The following ZNF385B variants were observed in gnomAD, a reference collection of about 807,000 sequenced individuals.
ZNF385B encodes the protein zinc finger protein 533.
Under a neutral mutation model 39.2 loss-of-function variants are expected in ZNF385B, and 23 were observed. The ratio of observed to expected loss-of-function variants is 0.59; its 90% CI spans 0.42 to 0.83. The LOEUF (loss-of-function observed/expected upper bound fraction) is 0.83, where lower values mean the gene tolerates loss of function less well. Ranked by LOEUF, ZNF385B falls within the 40% of genes least tolerant of loss-of-function variation. The pLI, the probability that ZNF385B is intolerant of heterozygous loss-of-function variation, is 0.00. For synonymous variants in ZNF385B, 205 were observed against 222.6 expected, an observed-to-expected ratio of 0.92 and a Z score of 0.70; for missense variants, 552 against 598.9, an observed-to-expected ratio of 0.92 and a Z score of 0.82.
chr2:179,649,901 C>T (rs1693056613), intron 3 of ZNF385B, among the ~76,000 whole-genome samples: 1 of 152,078 alleles, frequency 6.6e-6, no homozygotes, highest in Non-Finnish European at 1.5e-5. Context: ...AAATTCAGTA[C>T]AAAATACATT....
intron 3 of ZNF385B, among the ~76,000 whole-genome samples, chr2:179,750,262 C>T (rs529282392): frequency 6.6e-5 from 10 of 152,242 alleles, no homozygotes; most frequent in Admixed American, 3.9e-4. Context: ...AAATTCTCTA[C>T]TCTCATTCCC....
chr2:179,842,933 G>T (rs1276476906), intron 1 of ZNF385B, among the ~76,000 whole-genome samples: 1 of 152,150 alleles, frequency 6.6e-6, no homozygotes, highest in African/African-American at 2.4e-5. Flanking sequence ...GGTGTGGAGG[G>T]AGCCTGCCTC....
At position 179,850,323 on chromosome 2, in the gene ZNF385B, T is replaced by C. The variant is rs1482518990; in HGVS notation, c.-155+10778A>G. On this transcript the variant is annotated intron_variant, in intron 1 of 9. Coordinates refer to ENST00000410066, the MANE Select transcript of ZNF385B (RefSeq NM_152520.6). Reference sequence around the variant, plus strand: ...CTCAATGCAGGAATTCCTTCTGTTATGTCTGGTGGCTGATCCTCTCATCCA... The same window carrying C: ...CTCAATGCAGGAATTCCTTCTGTTACGTCTGGTGGCTGATCCTCTCATCCA... Among the ~76,000 whole-genome samples, 4 of 152,214 alleles carry C rather than the reference T, an allele frequency of 2.6e-5. No homozygotes were observed. In the East Asian group the frequency reaches 5.8e-4, roughly 22 times the overall value.
At chr2:179,751,685 G>C (rs1702685480) in intron 3 of ZNF385B, among the ~76,000 whole-genome samples, 2 of 151,954 alleles carry the variant, frequency 1.3e-5, no homozygotes, top group Admixed American at 6.6e-5. Context: ...GAGGATCCTG[G>C]GGGCGTCAAA....
intron 3 of ZNF385B, among the ~76,000 whole-genome samples, chr2:179,636,632 CT>C (rs1312816489): frequency 2.6e-5 from 4 of 152,204 alleles, no homozygotes; most frequent in African/African-American, 9.7e-5. Flanking sequence ...GTGAGGGCCC[CT>C]GAAGTTTAAG....
rs547068303 is a variant in ZNF385B, at chr2:179,463,609, T to C, written c.716-16839A>G. On this transcript the variant is annotated intron_variant, in intron 6 of 9. Transcript: ENST00000410066. The stretch of plus-strand genomic sequence containing the variant: ...ATGAGTGAGAACATGCGGTGTTTGA[T>C]TTTCTGTTCTTGTGATAGTTTGCTG... Among the ~76,000 whole-genome samples, 3 of 152,254 alleles carry C rather than the reference T, an allele frequency of 2.0e-5. No individual in the cohort carries two copies. The East Asian group carries it at 5.8e-4, about 29-fold the overall frequency.
intron 3 of ZNF385B, among the ~76,000 whole-genome samples, chr2:179,631,758 C>T (rs554961404): frequency 4.6e-5 from 7 of 152,054 alleles, no homozygotes; most frequent in Non-Finnish European, 1.0e-4. Context: ...CATCGGTGTG[C>T]TGTATTCAGG....
chr2:179,800,251 C>A (rs867831964), intron 1 of ZNF385B, among the ~76,000 whole-genome samples: 27 of 151,798 alleles, frequency 1.8e-4, no homozygotes, highest in African/African-American at 6.5e-4. Context: ...TTTAAACAGG[C>A]ATAAACTTTG....
intron 3 of ZNF385B, among the ~76,000 whole-genome samples, chr2:179,585,592 C>A (rs2106050962): frequency 6.6e-6 from 1 of 152,254 alleles, no homozygotes; most frequent in Middle Eastern, 3.4e-3. Context: ...AAATATATTT[C>A]CATTAAGTGT....
chr2:179,577,094 T>C (rs368863971), intron 3 of ZNF385B, among the ~76,000 whole-genome samples: 2 of 152,102 alleles, frequency 1.3e-5, no homozygotes, highest in African/African-American at 4.8e-5. Flanking sequence ...TATCTGCAAA[T>C]GAATATTTGT....
At chr2:179,479,061 A>C (rs142909835) in intron 6 of ZNF385B, among the ~76,000 whole-genome samples, 2 of 152,170 alleles carry the variant, frequency 1.3e-5, no homozygotes, top group Non-Finnish European at 2.9e-5. Flanking sequence ...TATGTTTCCA[A>C]CTTCCTCTGA....
In ZNF385B at chr2:179,598,328, G is replaced by A. The variant is rs146416244; in HGVS notation, c.299-53359C>T. ...TTTCTAGTCTGCATCCTGCTCCACCGTGATGAGAAATACTATCTTGAATGG... is the reference window on the plus strand; with the variant it reads ...TTTCTAGTCTGCATCCTGCTCCACCATGATGAGAAATACTATCTTGAATGG... On this transcript the variant is annotated intron_variant, in intron 3 of 9. Transcript: ENST00000410066. Among the ~76,000 whole-genome samples, 18 of 152,040 alleles carry A rather than the reference G, an allele frequency of 1.2e-4. 1 individual carries two copies. The East Asian group carries it at 1.4e-3, about 11-fold the overall frequency.
At chr2:179,529,524 T>C (rs1272109598) in intron 4 of ZNF385B, among the ~76,000 whole-genome samples, 1 of 152,298 alleles carries the variant, frequency 6.6e-6, no homozygotes, top group East Asian at 1.9e-4. Flanking sequence ...AAAAAGTTCA[T>C]ATGATATTAG....
intron 3 of ZNF385B, among the ~76,000 whole-genome samples, chr2:179,624,390 A>G (rs1461122276): frequency 1.3e-5 from 2 of 152,178 alleles, no homozygotes; most frequent in Non-Finnish European, 2.9e-5. Context: ...CCTCTGCACA[A>G]AGTAGACATT....
intron 5 of ZNF385B, among the ~76,000 whole-genome samples, chr2:179,486,958 T>A (rs1341216526): frequency 1.3e-5 from 2 of 152,178 alleles, no homozygotes; most frequent in Non-Finnish European, 1.5e-5. Flanking sequence ...TTCAACTTTT[T>A]AAATATACAA....
At chr2:179,469,008 C>A (rs1469659793) in intron 6 of ZNF385B, among the ~76,000 whole-genome samples, 1 of 152,188 alleles carries the variant, frequency 6.6e-6, no homozygotes, top group African/African-American at 2.4e-5. Context: ...ATTCAATCTG[C>A]AGCCTTATTA....
intron 3 of ZNF385B, among the ~76,000 whole-genome samples, chr2:179,744,443 GC>G (rs1702261265): frequency 1.3e-5 from 2 of 151,962 alleles, no homozygotes; most frequent in Admixed American, 1.3e-4. Context: ...GAAACCATGT[GC>G]TCAGTATAAA....
At chr2:179,606,089 C>T (rs1688776169) in intron 3 of ZNF385B, among the ~76,000 whole-genome samples, 1 of 151,972 alleles carries the variant, frequency 6.6e-6, no homozygotes, top group African/African-American at 2.4e-5. Context: ...AGCTGGCAGT[C>T]AAAAAATTTG....
chr2:179,784,294 C>G (rs767006798), intron 1 of ZNF385B, among the ~76,000 whole-genome samples: 12 of 151,850 alleles, frequency 7.9e-5, no homozygotes, highest in Non-Finnish European at 1.3e-4. Context: ...AACAAGGAAA[C>G]AGCAGACACT....
Sources: gnomAD v4.1 joint callset for allele counts (sites outside exome capture counted in the v4.1 genomes callset) on GRCh38, gnomAD v4.1.1 for gene constraint, MANE v1.5 for transcripts, NCBI Gene and HGNC (gene_info 2026-07-23, HGNC 2026-07-21) for gene names.